ANGPT1: variants seen among roughly 807,000 people sequenced by gnomAD.
ANGPT1 encodes angiopoietin 1, also known as angiopoietin-1.
A neutral mutation model predicts 62.2 loss-of-function variants in ANGPT1; 17 were observed. The ratio of observed to expected loss-of-function variants is 0.27; its 90% CI spans 0.19 to 0.41. The LOEUF is 0.41. Ranked by LOEUF, ANGPT1 falls within the 10% of genes least tolerant of loss-of-function variation. ANGPT1 has a pLI of 1.00. For missense variants in ANGPT1, 478 were observed against 594.9 expected (o/e 0.80, Z 2.04); for synonymous variants, 199 against 198.9 (o/e 1.00, Z 0.00).
rs140181611 is a variant in ANGPT1 at position 107,407,132 on chromosome 8, C to T, written c.298-60035G>A. 4.5e-3 allele frequency among the ~76,000 whole-genome samples: 685 copies of T among 152,218 alleles called. 5 individuals are homozygous for T. The highest frequency in any genetic ancestry group is 0.016 in the African/African-American group (649 of 41,542). On this transcript the variant is annotated intron_variant, in intron 1 of 8. Coordinates refer to ENST00000517746, the MANE Select transcript of ANGPT1 (RefSeq NM_001146.5). ...CAATGACGCTTCCACAGATTTGACC[C>T]AAACCATGCATATGGCCCTCAGTAG... is the stretch of plus-strand genomic sequence containing the variant.
chr8:107,346,992 G>T lies in ANGPT1; in HGVS notation c.403C>A (p.Leu135Ile), dbSNP rs781505587. ...ATMLEIGTSL[L>I]SQTAEQTRKL... ...CTGGTCTGCTCTGCAGTCTGAGAGA[G>T]GAGGCTGGTTCCTATCTCCAGCATG... Residue 135 changes from leucine to isoleucine, a missense_variant, in exon 2 of 9, where the codon CTC (leucine) becomes ATC (isoleucine). Around this residue, in one of 4 missense-constraint regions of ANGPT1, gnomAD observed 343 missense variants for 355.4 expected, o/e 0.97. Coordinates refer to ENST00000517746, the MANE Select transcript of ANGPT1 (RefSeq NM_001146.5). 6.2e-7 allele frequency: 1 copy of T among 1,613,926 alleles called. No individual in the cohort carries two copies. The highest frequency in any genetic ancestry group is 2.2e-5 in the East Asian group (1 of 44,866).
intron 8 of ANGPT1, among the ~76,000 whole-genome samples, chr8:107,261,092 G>A (rs1009021404): frequency 6.6e-6 from 1 of 152,070 alleles, no homozygotes; most frequent in African/African-American, 2.4e-5. Context: ...AAATATCTTT[G>A]AAAATAGACA....
intron 1 of ANGPT1, among the ~76,000 whole-genome samples, chr8:107,464,797 C>A (rs960401865): frequency 6.6e-6 from 1 of 152,026 alleles, no homozygotes; most frequent in African/African-American, 2.4e-5. Context: ...TCGATAAATT[C>A]TACTATTGTC....
At chr8:107,295,126 T>C (rs189803531) in intron 5 of ANGPT1, 68 of 152,292 alleles carry the variant, frequency 4.5e-4, no homozygotes, top group African/African-American at 1.5e-3. Context: ...AAAGAGCGAA[T>C]TGTCCATGTA....
intron 1 of ANGPT1, among the ~76,000 whole-genome samples, chr8:107,441,244 A>G (rs1328783468): frequency 1.3e-5 from 2 of 152,228 alleles, no homozygotes; most frequent in Non-Finnish European, 2.9e-5. Context: ...ATCCTTAATC[A>G]TCTTTCTTGG....
At chr8:107,322,621 T>TCGTGAA (rs1449967077) in intron 3 of ANGPT1, 1 of 213,910 alleles carries the variant, frequency 4.7e-6, no homozygotes, top group Non-Finnish European at 9.4e-6. Flanking sequence ...AAGAATAGTA[T>TCGTGAA]ATTGACCATC....
intron 3 of ANGPT1, among the ~76,000 whole-genome samples, chr8:107,334,044 T>A (rs995140823): frequency 5.8e-5 from 4 of 69,472 alleles, no homozygotes; most frequent in South Asian, 9.9e-4. Context: ...GAAGGATGGA[T>A]AAATATGAGA....
chr8:107,286,344 T>C (rs1814140076), intron 6 of ANGPT1, among the ~76,000 whole-genome samples: 1 of 152,146 alleles, frequency 6.6e-6, no homozygotes, highest in South Asian at 2.1e-4. Flanking sequence ...TAGTAAAACT[T>C]TTTTTAAAAT....
At chr8:107,282,553 C>CATATATATATATATATTAT (rs1814037530) in intron 7 of ANGPT1, among the ~76,000 whole-genome samples, 3 of 51,072 alleles carry the variant, frequency 5.9e-5, no homozygotes, top group African/African-American at 2.1e-4. Context: ...ATATATGAAC[C>CATATATATATATATATTAT]ATATATATAT....
At chr8:107,360,849 G>T (rs1431128034) in intron 1 of ANGPT1, among the ~76,000 whole-genome samples, 1 of 152,156 alleles carries the variant, frequency 6.6e-6, no homozygotes, top group Non-Finnish European at 1.5e-5. Flanking sequence ...CTGAAAGAAT[G>T]ATTGAATCAA....
At chr8:107,275,868 G>A (rs1426669687) in intron 7 of ANGPT1, among the ~76,000 whole-genome samples, 1 of 152,162 alleles carries the variant, frequency 6.6e-6, no homozygotes, top group African/African-American at 2.4e-5. Context: ...TTCTAGGACA[G>A]CAGTGGTCTG....
chr8:107,345,391 T>G (rs1815782421), intron 2 of ANGPT1, among the ~76,000 whole-genome samples: 1 of 152,098 alleles, frequency 6.6e-6, no homozygotes, highest in African/African-American at 2.4e-5. Flanking sequence ...CTTAACAGTT[T>G]GGAGATTAAC....
chr8:107,459,512 AC>A (rs1204903993), intron 1 of ANGPT1, among the ~76,000 whole-genome samples: 5 of 151,988 alleles, frequency 3.3e-5, no homozygotes, highest in Non-Finnish European at 7.4e-5. Flanking sequence ...AACAACAACA[AC>A]AACAACAACA....
intron 7 of ANGPT1, among the ~76,000 whole-genome samples, chr8:107,279,083 C>T (rs1357837953): frequency 2.0e-5 from 3 of 152,148 alleles, no homozygotes; most frequent in African/African-American, 7.2e-5. Context: ...CATAGCATCT[C>T]CTCAACCCTA....
chr8:107,299,813 ATATATCTAGATATGTAGT>A (rs1032545827), intron 5 of ANGPT1, among the ~76,000 whole-genome samples: 1 of 96,914 alleles, frequency 1.0e-5, no homozygotes, highest in South Asian at 3.6e-4. Flanking sequence ...TAGATATACT[ATATATCTAGATATGTAGT>A]TATATCTAGA....
chr8:107,364,244 C>T (rs1035606822), intron 1 of ANGPT1, among the ~76,000 whole-genome samples: 9 of 152,034 alleles, frequency 5.9e-5, no homozygotes, highest in African/African-American at 2.2e-4. Flanking sequence ...AATGCTAAAT[C>T]CCTGAGGTTT....
intron 1 of ANGPT1, among the ~76,000 whole-genome samples, chr8:107,377,549 G>A (rs1816553717): frequency 6.6e-6 from 1 of 152,166 alleles, no homozygotes. Context: ...TACTCTTTGG[G>A]ACTATTTTAA....
At chr8:107,307,330 G>A (rs1397612280) in intron 4 of ANGPT1, among the ~76,000 whole-genome samples, 1 of 151,996 alleles carries the variant, frequency 6.6e-6, no homozygotes, top group Non-Finnish European at 1.5e-5. Context: ...ACCCCCAGAT[G>A]GGCATTCATT....
At chr8:107,484,077 A>G (rs1284247161) in intron 1 of ANGPT1, among the ~76,000 whole-genome samples, 2 of 152,186 alleles carry the variant, frequency 1.3e-5, no homozygotes, top group Non-Finnish European at 2.9e-5. Flanking sequence ...AGATTCTCCA[A>G]AAACTTACAA....
Sources: allele counts gnomAD v4.1 joint callset (sites outside exome capture counted in the v4.1 genomes callset), GRCh38; gene constraint gnomAD v4.1.1; regional missense constraint gnomAD v4.1.1; transcripts MANE v1.5; gene names NCBI Gene and HGNC (gene_info 2026-07-23, HGNC 2026-07-21).